Variants in SLC7A11 observed in about 807,000 individuals in gnomAD.
The protein encoded by SLC7A11 is solute carrier family 7 member 11.
In SLC7A11, 35 loss-of-function variants were observed where a neutral mutation model predicts 54.5. The observed-to-expected ratio is 0.64, with a 90% CI of 0.49 to 0.85. The LOEUF is 0.85. SLC7A11 is among the 40% of genes least tolerant of loss of function. The pLI, the probability that SLC7A11 is intolerant of heterozygous loss-of-function variation, is 0.00. For missense variants in SLC7A11, 583 were observed against 618.1 expected (o/e 0.94, Z 0.60); for synonymous variants, 230 against 225.2 (o/e 1.02, Z -0.19).
chr4:138,232,299 A>C lies in SLC7A11; in HGVS notation c.488T>G (p.Leu163Arg). 6.2e-7 allele frequency: 1 copy of C among 1,613,038 alleles called. No homozygotes were observed. Among genetic ancestry groups the C allele is most frequent in the Non-Finnish European group, 8.5e-7 (1 of 1,179,008 alleles). Reference protein sequence around the residue: ...PFFIQCEIPELAIKLITAVGI... With the variant: ...PFFIQCEIPERAIKLITAVGI... ...CACAGCTGTAATGAGCTTGATCGCA[A>C]GTTCAGGGATTTCACATTGAATAAA... The change falls in exon 3 of 12, where the codon CTT becomes CGT. Residue 163 changes from leucine (L) to arginine (R), a missense_variant. By Grantham distance (102) the Leu-to-Arg change is moderately radical (BLOSUM62 -2). Coordinates refer to ENST00000280612, the MANE Select transcript of SLC7A11 (RefSeq NM_014331.4).
chr4:138,185,590 T>G (rs1736857235), intron 6 of SLC7A11, among the ~76,000 whole-genome samples: 2 of 152,076 alleles, frequency 1.3e-5, no homozygotes, highest in African/African-American at 4.8e-5. Flanking sequence ...ACTGCTGAGC[T>G]CCACCCCACA....
intron 5 of SLC7A11, among the ~76,000 whole-genome samples, chr4:138,215,671 T>C (rs965082868): frequency 5.3e-5 from 8 of 152,150 alleles, no homozygotes; most frequent in Admixed American, 1.3e-4. Flanking sequence ...CAACAATCAG[T>C]ACTTATATCT....
chr4:138,172,953 C>G (rs1736472687), intron 11 of SLC7A11, among the ~76,000 whole-genome samples: 1 of 152,108 alleles, frequency 6.6e-6, no homozygotes, highest in Non-Finnish European at 1.5e-5. Context: ...ACGCGATTCT[C>G]CTGCCTCAGC....
chr4:138,177,406 C>T (rs1736599929), intron 11 of SLC7A11: 1 of 151,186 alleles, frequency 6.6e-6, no homozygotes. Context: ...TTGTTACCTA[C>T]CTATCTCTCT....
intron 1 of SLC7A11, among the ~76,000 whole-genome samples, chr4:138,239,137 G>T (rs1225036506): frequency 6.6e-6 from 1 of 152,152 alleles, no homozygotes; most frequent in Non-Finnish European, 1.5e-5. Context: ...TCGCCATGTT[G>T]GTAGGCTGTC....
rs1451778283 is a variant in SLC7A11, at chr4:138,165,213, TAA to T, written c.*6741_*6742del. 1 of 152,478 alleles carries T rather than the reference TAA, an allele frequency of 6.6e-6. No homozygotes were observed. The highest frequency in any genetic ancestry group is 1.5e-5 in the Non-Finnish European group (1 of 67,970). The allele number at this position is 152,478 out of a possible 1,614,324, so 9.4% of individuals were successfully genotyped here. On this transcript the variant is annotated 3_prime_UTR_variant, in exon 12 of 12. Transcript: ENST00000280612. ...AAAGTAAATTCAGATATGCTTACAA[TAA>T]AAAGACATAAAAGATTCATCCTGAG...
At chr4:138,214,768 C>A in intron 5 of SLC7A11, 139 bp from the exon 6 acceptor site, 1 of 348,678 alleles carries the variant, frequency 2.9e-6, no homozygotes, top group Non-Finnish European at 5.2e-6. Flanking sequence ...TATCTAACAA[C>A]TAAATACTCC....
chr4:138,241,784 C>G lies in SLC7A11; in HGVS notation c.277+9G>C, dbSNP rs1313867518. 1.2e-6 allele frequency: 2 copies of G among 1,601,090 alleles called. No homozygotes were observed. Among genetic ancestry groups the G allele is most frequent in the Non-Finnish European group, 1.7e-6 (2 of 1,168,900 alleles). ...GCCACGCCCCCACGAGAGAAAAAGT[C>G]GCACTCACCAAATAGTGACAGGACC... On this transcript the variant is annotated intron_variant, in intron 1 of 11. Transcript: ENST00000280612.
At chr4:138,191,676 TCTA>T (rs1737016343) in intron 6 of SLC7A11, among the ~76,000 whole-genome samples, 1 of 152,176 alleles carries the variant, frequency 6.6e-6, no homozygotes, top group African/African-American at 2.4e-5. Flanking sequence ...TTATTTTTAT[TCTA>T]CTATTAGAAT....
At chr4:138,191,406 A>G (rs1737010688) in intron 6 of SLC7A11, among the ~76,000 whole-genome samples, 1 of 152,192 alleles carries the variant, frequency 6.6e-6, no homozygotes, top group African/African-American at 2.4e-5. Flanking sequence ...AGAAGAGAAG[A>G]CAGAGAGACC....
chr4:138,223,947 T>G (rs1007206682), intron 3 of SLC7A11, among the ~76,000 whole-genome samples: 3 of 152,172 alleles, frequency 2.0e-5, no homozygotes, highest in Non-Finnish European at 4.4e-5. Context: ...AAGTGATGAG[T>G]GCAAAAGACT....
intron 6 of SLC7A11, among the ~76,000 whole-genome samples, chr4:138,194,740 T>C (rs1287874727): frequency 6.6e-6 from 1 of 152,142 alleles, no homozygotes; most frequent in South Asian, 2.1e-4. Context: ...TCTAGTCATG[T>C]CCCCATCACT....
intron 3 of SLC7A11, among the ~76,000 whole-genome samples, chr4:138,224,449 C>T (rs1406249118): frequency 1.3e-5 from 2 of 152,048 alleles, no homozygotes; most frequent in African/African-American, 4.8e-5. Context: ...AAACAAAACT[C>T]CTACAGAATT....
rs1738392772 is a variant in SLC7A11 at position 138,241,965 on chromosome 4, C to G, written c.105G>C (p.Gln35His). 6.2e-7 allele frequency: 1 copy of G among 1,614,070 alleles called. No homozygotes were observed. Among genetic ancestry groups the G allele is most frequent in the Admixed American group, 1.7e-5 (1 of 60,014 alleles). The part of the protein sequence containing the change: ...PSLGNKEPPG[Q>H]EKVQLKRKVT... Reference sequence around the variant, plus strand: ...CTTTCCTCTTCAGCTGCACTTTCTCCTGCCCAGGTGGCTCCTTGTTGCCCA... The same window carrying G: ...CTTTCCTCTTCAGCTGCACTTTCTCGTGCCCAGGTGGCTCCTTGTTGCCCA... The change falls in exon 1 of 12, where the codon CAG (glutamine) becomes CAC (histidine). Residue 35 changes from glutamine to histidine, a missense_variant. By Grantham distance (24) the Gln-to-His change is conservative. Coordinates refer to ENST00000280612, the MANE Select transcript of SLC7A11 (RefSeq NM_014331.4).
In SLC7A11 at chr4:138,170,864, G is replaced by A. The variant is rs1736408237; in HGVS notation, c.*1092C>T. Reference sequence around the variant, plus strand: ...ATATATGCCTTTTCCTAATTAATCTGGACAGTTTCATCTGAAGAGATATTT... The same window carrying A: ...ATATATGCCTTTTCCTAATTAATCTAGACAGTTTCATCTGAAGAGATATTT... On this transcript the variant is annotated 3_prime_UTR_variant, in exon 12 of 12. Coordinates refer to ENST00000280612, the MANE Select transcript of SLC7A11 (RefSeq NM_014331.4). 1 of 151,868 alleles carries A rather than the reference G, an allele frequency of 6.6e-6. No homozygotes were observed. 9.4% of individuals were successfully genotyped at this position (151,868 alleles called of 1,614,324 possible).
intron 11 of SLC7A11, chr4:138,176,562 G>C (rs186999289): frequency 1.8e-4 from 28 of 152,278 alleles, no homozygotes; most frequent in African/African-American, 6.0e-4. Flanking sequence ...AAGTACACAC[G>C]TGCTTGTTAG....
Position 138,225,846 on chromosome 4 carries a change from T to TAGAGAGAA in SLC7A11, c.521-2530_521-2523dup, listed in dbSNP as rs576845086. Among the ~76,000 whole-genome samples, 56 of 151,102 alleles carry TAGAGAGAA rather than the reference T, an allele frequency of 3.7e-4. 1 individual carries two copies. The South Asian group carries it at 0.011, about 31-fold the overall frequency. ...TCCACAGTAGAAAAGAACTGTTATATAGAGAGAAAGAGAGAAAAAGAAAGG... is the reference window on the plus strand; with the variant it reads ...TCCACAGTAGAAAAGAACTGTTATATAGAGAGAAAGAGAGAAAGAGAGAAAAAGAAAGG... On this transcript the variant is annotated intron_variant, in intron 3 of 11. Transcript: ENST00000280612.
intron 3 of SLC7A11, among the ~76,000 whole-genome samples, chr4:138,226,824 C>A (rs758419546): frequency 6.6e-6 from 1 of 152,170 alleles, no homozygotes; most frequent in South Asian, 2.1e-4. Flanking sequence ...CTTTGAATAA[C>A]AATTTGCTAA....
intron 6 of SLC7A11, among the ~76,000 whole-genome samples, chr4:138,201,149 T>A (rs892573185): frequency 1.6e-4 from 24 of 152,266 alleles, no homozygotes; most frequent in Non-Finnish European, 3.2e-4. Flanking sequence ...TCATTTTGTG[T>A]TATATGGCTA....
Sources: gnomAD v4.1 joint callset for allele counts (sites outside exome capture counted in the v4.1 genomes callset) on GRCh38, gnomAD v4.1.1 for gene constraint, MANE v1.5 for transcripts, NCBI Gene and HGNC (gene_info 2026-07-23, HGNC 2026-07-21) for gene names.